Variants in POLR2D observed in about 807,000 individuals in gnomAD.
POLR2D encodes the protein RNA polymerase II subunit D, also known as DNA-directed RNA polymerase II subunit RPB4.
In POLR2D, 10 loss-of-function variants were observed where a neutral mutation model predicts 17.6. The ratio of observed to expected loss-of-function variants is 0.57; its 90% CI spans 0.35 to 0.96. POLR2D has a LOEUF of 0.96. POLR2D is among the 40% of genes least tolerant of loss of function. The pLI is 0.02. For synonymous variants in POLR2D, 52 were observed against 60.2 expected, an observed-to-expected ratio of 0.86 and a Z score of 0.63; for missense variants, 126 against 176.4, an observed-to-expected ratio of 0.71 and a Z score of 1.62.
chr2:127,850,722 A>C, intron 2 of POLR2D, 37 bp from the exon 3 acceptor site: 1 of 979,280 alleles, frequency 1.0e-6, no homozygotes, highest in Non-Finnish European at 1.6e-6. Flanking sequence ...AAAATAATCA[A>C]AAACAAATAA....
chr2:127,855,095 A>G (rs1244164511), intron 1 of POLR2D, among the ~76,000 whole-genome samples: 2 of 152,036 alleles, frequency 1.3e-5, no homozygotes, highest in Non-Finnish European at 1.5e-5. Context: ...GGAAAAATCA[A>G]TGTTAAGAGA....
chr2:127,853,361 T>C (rs1690279640), intron 1 of POLR2D, among the ~76,000 whole-genome samples: 1 of 152,144 alleles, frequency 6.6e-6, no homozygotes, highest in African/African-American at 2.4e-5. Flanking sequence ...TACTGATACA[T>C]AGTTTTTCAA....
chr2:127,850,711 CAAAAT>C, intron 2 of POLR2D, 26 bp from the exon 3 acceptor site: 2 of 1,092,700 alleles, frequency 1.8e-6, no homozygotes, highest in African/African-American at 3.3e-5. Context: ...AAAAAAAAAT[CAAAAT>C]AATCAAAAAC....
chr2:127,857,676 G>A (rs1390385106), intron 1 of POLR2D: 1 of 415,962 alleles, frequency 2.4e-6, no homozygotes, highest in Non-Finnish European at 3.4e-6. Context: ...AACGCCCAGA[G>A]GTTCTGTACT....
intron 3 of POLR2D, among the ~76,000 whole-genome samples, chr2:127,848,682 A>G (rs965451412): frequency 6.6e-6 from 1 of 150,908 alleles, no homozygotes; most frequent in East Asian, 1.9e-4. Context: ...ACGCCCAGCT[A>G]ATTTTTTGTA....
chr2:127,854,196 C>G (rs1382461418), intron 1 of POLR2D, among the ~76,000 whole-genome samples: 1 of 152,184 alleles, frequency 6.6e-6, no homozygotes, highest in Non-Finnish European at 1.5e-5. Flanking sequence ...CCCATGGCCC[C>G]TTTTCATAAT....
chr2:127,856,771 C>A (rs1249975693), intron 1 of POLR2D: 1 of 151,956 alleles, frequency 6.6e-6, no homozygotes, highest in Non-Finnish European at 1.5e-5. Context: ...GGCAATGGCT[C>A]ACATCAGTAA....
chr2:127,856,806 T>C (rs1690340787), intron 1 of POLR2D: 3 of 152,148 alleles, frequency 2.0e-5, no homozygotes, highest in Non-Finnish European at 4.4e-5. Flanking sequence ...GAGGCCGAGC[T>C]GGGTGGATCA....
intron 2 of POLR2D, among the ~76,000 whole-genome samples, chr2:127,851,159 T>A (rs1352678423): frequency 6.6e-6 from 1 of 152,102 alleles, no homozygotes; most frequent in Non-Finnish European, 1.5e-5. Flanking sequence ...GAGGCTGCAG[T>A]GAGCCAAGAT....
rs531774328 is a variant in POLR2D at position 127,848,145 on chromosome 2, G to C, written c.391C>G (p.Leu131Val). The C allele has an allele frequency of 3.7e-6, 6 of 1,612,864 alleles. No homozygotes were observed. The highest frequency in any genetic ancestry group is 4.2e-6 in the Non-Finnish European group (5 of 1,179,018). Residue 131 changes from leucine to valine, a missense_variant, in exon 4 of 4, where the codon CTT (leucine) becomes GTT (valine). Leu to Val is a conservative substitution (Grantham distance 32, BLOSUM62 1). Transcript: ENST00000272645. ...RFEDEELQQI[L>V]DDIQTKRSFQ... ...CTGCGCTTTGTCTGGATATCATCAA[G>C]AATCTGCTGCAGCTCCTCATCTTCA...
In POLR2D at chr2:127,850,674, T is replaced by C. The variant is rs756165905; in HGVS notation, c.266A>G (p.Gln89Arg). The change falls in exon 3 of 4, where the codon CAG (glutamine) becomes CGG (arginine). Residue 89 changes from glutamine to arginine, a missense_variant. Coordinates refer to ENST00000272645, the MANE Select transcript of POLR2D (RefSeq NM_004805.4). ...CAACTCAAACTTATGAAGCTTTTTC[T>C]GGAGTAGCAAGCTAATCAAAAGGAA... is the stretch of plus-strand genomic sequence containing the variant. ...TIASVRSLLLQKKLHKFELAC... is the reference protein window; with the variant it reads ...TIASVRSLLLRKKLHKFELAC... 6.5e-7 allele frequency: 1 copy of C among 1,541,122 alleles called. No individual in the cohort carries two copies. Among genetic ancestry groups the C allele is most frequent in the Non-Finnish European group, 8.8e-7 (1 of 1,131,992 alleles).
In POLR2D at chr2:127,847,302, AGGTTAGG is replaced by A. The variant is rs1690173357; in HGVS notation, c.*798_*804del. On this transcript the variant is annotated 3_prime_UTR_variant, in exon 4 of 4. Transcript: ENST00000272645. ...CCATGGCGTGCTTCTTCCGTCTCCC[AGGTTAGG>A]CACAACGATGCCAAGGTGCTGTCAT... is the stretch of plus-strand genomic sequence containing the variant. The A allele has an allele frequency of 6.6e-6, 1 of 152,212 alleles. No individual in the cohort carries two copies. Among genetic ancestry groups the A allele is most frequent in the African/African-American group, 2.4e-5 (1 of 41,450 alleles). 9.4% of individuals were successfully genotyped at this position (152,212 alleles called of 1,614,324 possible). A position where few individuals can be genotyped will look rare whatever the true frequency, so the allele number is the denominator to read the frequency against.
chr2:127,854,526 A>G (rs1690299706), intron 1 of POLR2D, among the ~76,000 whole-genome samples: 1 of 152,178 alleles, frequency 6.6e-6, no homozygotes, highest in Non-Finnish European at 1.5e-5. Context: ...CACCTCCCTC[A>G]GAGTAATGCC....
chr2:127,849,114 G>T (rs969443711), intron 3 of POLR2D, among the ~76,000 whole-genome samples: 2 of 151,628 alleles, frequency 1.3e-5, no homozygotes, highest in Non-Finnish European at 2.9e-5. Flanking sequence ...GCGCAATCTC[G>T]GCTCACTGCA....
intron 3 of POLR2D, 65 bp from the exon 4 acceptor site, chr2:127,848,250 G>A (rs770182404): frequency 9.9e-7 from 1 of 1,012,990 alleles, no homozygotes; most frequent in Non-Finnish European, 1.5e-6. Context: ...TCTTCTTTGA[G>A]GCGTGCTAAT....
intron 2 of POLR2D, among the ~76,000 whole-genome samples, chr2:127,850,977 T>C (rs577686570): frequency 6.6e-6 from 1 of 152,048 alleles, no homozygotes; most frequent in African/African-American, 2.4e-5. Context: ...TCCCAGCACT[T>C]TGGGAGGCCG....
rs1310556846 is a variant in POLR2D, at chr2:127,852,294, G to C, written c.254+631C>G. ...TATTTGAATCTGTTCCCAGACTGGAGTACAGTGGCACAATCACAGCTCACT... is the reference window on the plus strand; with the variant it reads ...TATTTGAATCTGTTCCCAGACTGGACTACAGTGGCACAATCACAGCTCACT... On this transcript the variant is annotated intron_variant, in intron 2 of 3. Transcript: ENST00000272645. This position sits in a 1 kb window ranked among gnomAD's most constrained non-coding sequence, Gnocchi z 4.0. 6.6e-6 allele frequency among the ~76,000 whole-genome samples: 1 copy of C among 152,156 alleles called. No homozygotes were observed.
At chr2:127,853,519 T>C (rs999633054) in intron 1 of POLR2D, among the ~76,000 whole-genome samples, 4 of 152,158 alleles carry the variant, frequency 2.6e-5, no homozygotes, top group Admixed American at 2.6e-4. Context: ...GGCCTCCAGC[T>C]CCATCCATGT....
intron 1 of POLR2D, 80 bp from the exon 2 acceptor site, chr2:127,853,185 ATT>A (rs1184836582): frequency 8.9e-7 from 1 of 1,121,698 alleles, no homozygotes; most frequent in Admixed American, 2.1e-5. Flanking sequence ...GCATTTGAAC[ATT>A]TCTCTGCCCC....
Sources: allele counts gnomAD v4.1 joint callset (sites outside exome capture counted in the v4.1 genomes callset), GRCh38; gene constraint gnomAD v4.1.1; non-coding constraint Gnocchi (gnomAD v3.1); transcripts MANE v1.5; gene names NCBI Gene and HGNC (gene_info 2026-07-23, HGNC 2026-07-21).